Variants in L3MBTL3 observed in about 807,000 individuals in gnomAD.
L3MBTL3 encodes L3MBTL histone methyl-lysine binding protein 3.
A neutral mutation model predicts 102.3 loss-of-function variants in L3MBTL3; 27 were observed. That is an observed-to-expected ratio of 0.26 (90% CI 0.19 to 0.36). The LOEUF (loss-of-function observed/expected upper bound fraction) is 0.36. Among genes scored for constraint, L3MBTL3 ranks in the 10% least tolerant of loss-of-function variants. L3MBTL3 has a pLI of 1.00. For missense variants in L3MBTL3, 798 were observed against 955.3 expected (o/e 0.84, Z 2.17); for synonymous variants, 340 against 320.9 (o/e 1.06, Z -0.64).
intron 19 of L3MBTL3, among the ~76,000 whole-genome samples, chr6:130,106,928 A>G (rs1484051793): frequency 1.3e-5 from 2 of 152,110 alleles, no homozygotes; most frequent in African/African-American, 4.8e-5. Context: ...TAGTAATCTT[A>G]TGTTTTGAAT....
intron 3 of L3MBTL3, among the ~76,000 whole-genome samples, chr6:130,044,490 T>A (rs1780611835): frequency 6.6e-6 from 1 of 152,220 alleles, no homozygotes; most frequent in African/African-American, 2.4e-5. Context: ...CTAAGAAATC[T>A]GTATTGCTTT....
chr6:130,036,864 T>G (rs1030997760), intron 2 of L3MBTL3, among the ~76,000 whole-genome samples: 2 of 152,258 alleles, frequency 1.3e-5, no homozygotes, highest in Middle Eastern at 3.4e-3. Flanking sequence ...TTTGCCAGAT[T>G]TTCGGAGGAG....
intron 12 of L3MBTL3, 47 bp from the exon 13 acceptor site, chr6:130,070,929 T>C (rs2115004374): frequency 1.3e-6 from 2 of 1,548,380 alleles, no homozygotes; most frequent in East Asian, 4.6e-5. Context: ...GTTCTTGTGG[T>C]TGTCAAGTGT....
At chr6:130,024,273 CT>C (rs1436149884) in intron 2 of L3MBTL3, among the ~76,000 whole-genome samples, 1 of 152,076 alleles carries the variant, frequency 6.6e-6, no homozygotes, top group Non-Finnish European at 1.5e-5. Context: ...ACCTCTTTGG[CT>C]GCAATCTAAT....
chr6:130,117,347 C>G (rs570061674), intron 19 of L3MBTL3, among the ~76,000 whole-genome samples: 1 of 150,990 alleles, frequency 6.6e-6, no homozygotes, highest in East Asian at 1.9e-4. Flanking sequence ...GTATATGTGC[C>G]ACATTTTCTT....
Position 130,042,667 on chromosome 6 carries a change from C to A in L3MBTL3, c.-15-18C>A. On this transcript the variant is annotated intron_variant, in intron 2 of 22. Transcript: ENST00000361794. ...CCATGTGGAATATTTAGTGATATGC[C>A]TTCTTTTCCCCTTTCAGGTTAAAAA... 1 of 1,424,204 alleles carries A rather than the reference C, an allele frequency of 7.0e-7. No individual in the cohort carries two copies. The highest frequency in any genetic ancestry group is 9.9e-7 in the Non-Finnish European group (1 of 1,008,058). The allele number at this position is 1,424,204 out of a possible 1,614,324, so 88.2% of individuals were successfully genotyped here. A position where few individuals can be genotyped will look rare whatever the true frequency, so the allele number is the denominator to read the frequency against.
At chr6:130,112,229 G>A (rs1263568573) in intron 19 of L3MBTL3, among the ~76,000 whole-genome samples, 1 of 152,122 alleles carries the variant, frequency 6.6e-6, no homozygotes, top group African/African-American at 2.4e-5. Flanking sequence ...CTCCATAAAG[G>A]CAGGGGCCAT....
chr6:130,121,215 C>T (rs1194928843), intron 20 of L3MBTL3, among the ~76,000 whole-genome samples: 1 of 152,188 alleles, frequency 6.6e-6, no homozygotes, highest in African/African-American at 2.4e-5. Context: ...TTCTGATCCT[C>T]TGCCTCCTCC....
intron 3 of L3MBTL3, among the ~76,000 whole-genome samples, 157 bp from the exon 4 acceptor site, chr6:130,049,125 T>C (rs1283141818): frequency 1.3e-5 from 2 of 152,144 alleles, no homozygotes; most frequent in African/African-American, 4.8e-5. Flanking sequence ...AATGCAAAGG[T>C]CTTAGTATTG....
chr6:130,083,342 A>G (rs1037238413), intron 14 of L3MBTL3, among the ~76,000 whole-genome samples: 7 of 152,006 alleles, frequency 4.6e-5, no homozygotes, highest in Non-Finnish European at 8.8e-5. Flanking sequence ...CAAAATTGCT[A>G]AAGGGTATTT....
At chr6:130,074,574 A>G (rs1416176278) in intron 13 of L3MBTL3, among the ~76,000 whole-genome samples, 1 of 152,188 alleles carries the variant, frequency 6.6e-6, no homozygotes, top group Non-Finnish European at 1.5e-5. Flanking sequence ...CTCCTTCCTG[A>G]TTATCTGCCT....
chr6:130,081,439 G>A, intron 14 of L3MBTL3, among the ~76,000 whole-genome samples: 1 of 145,966 alleles, frequency 6.9e-6, no homozygotes, highest in Non-Finnish European at 1.5e-5. Flanking sequence ...TTTTTTTTGA[G>A]ACGGATTCTT....
intron 8 of L3MBTL3, among the ~76,000 whole-genome samples, chr6:130,056,724 G>A (rs973180480): frequency 2.6e-5 from 4 of 151,974 alleles, no homozygotes; most frequent in Non-Finnish European, 4.4e-5. Context: ...CCAGGCCCCT[G>A]GCTCTTCTGG....
intron 20 of L3MBTL3, among the ~76,000 whole-genome samples, chr6:130,128,386 T>C (rs1786762803): frequency 6.6e-6 from 1 of 152,136 alleles, no homozygotes; most frequent in Admixed American, 6.5e-5. Flanking sequence ...CCCAACACCA[T>C]ATCATGGTTA....
chr6:130,028,342 A>T (rs1779487621), intron 2 of L3MBTL3, among the ~76,000 whole-genome samples: 1 of 152,184 alleles, frequency 6.6e-6, no homozygotes, highest in South Asian at 2.1e-4. Context: ...TGATAAAGGG[A>T]CAGTGTTTTT....
intron 3 of L3MBTL3, among the ~76,000 whole-genome samples, chr6:130,044,115 A>G (rs1468365126): frequency 6.6e-6 from 1 of 152,226 alleles, no homozygotes; most frequent in African/African-American, 2.4e-5. Flanking sequence ...TTTTTGAGAA[A>G]GAAAAACTGT....
chr6:130,066,594 C>A, intron 11 of L3MBTL3, 106 bp downstream of exon 11: 2 of 980,576 alleles, frequency 2.0e-6, no homozygotes, highest in Non-Finnish European at 3.0e-6. Context: ...TTCAGATAGG[C>A]ACAAATTTAA....
In L3MBTL3 at chr6:130,140,810, C is replaced by T. The variant is rs1033037960; in HGVS notation, c.*1057C>T. 2 of 152,344 alleles carry T rather than the reference C, an allele frequency of 1.3e-5. No homozygotes were observed. Among genetic ancestry groups the T allele is most frequent in the South Asian group, 2.1e-4 (1 of 4,816 alleles). The allele number at this position is 152,344 out of a possible 1,614,324, so 9.4% of individuals were successfully genotyped here. A position where few individuals can be genotyped will look rare whatever the true frequency, so the allele number is the denominator to read the frequency against. On this transcript the variant is annotated 3_prime_UTR_variant, in exon 23 of 23. Coordinates refer to ENST00000361794, the MANE Select transcript of L3MBTL3 (RefSeq NM_032438.4). Reference sequence around the variant, plus strand: ...CTAGAGAGCGAGTATTGTGATTTTGCTGAAAAGACAAGGTGTGAAGGAGCA... The same window carrying T: ...CTAGAGAGCGAGTATTGTGATTTTGTTGAAAAGACAAGGTGTGAAGGAGCA...
At chr6:130,033,166 A>G (rs1779835010) in intron 2 of L3MBTL3, among the ~76,000 whole-genome samples, 3 of 152,184 alleles carry the variant, frequency 2.0e-5, no homozygotes, top group Admixed American at 1.3e-4. Flanking sequence ...TCAAGGAAGC[A>G]TTTGGTTTGC....
Sources: allele counts gnomAD v4.1 joint callset (sites outside exome capture counted in the v4.1 genomes callset), GRCh38; gene constraint gnomAD v4.1.1; transcripts MANE v1.5; gene names NCBI Gene and HGNC (gene_info 2026-07-23, HGNC 2026-07-21).